The following CERS3 variants were observed in gnomAD, a reference collection of about 807,000 sequenced individuals.
CERS3 encodes LAG1 homolog, ceramide synthase 3.
In CERS3, 33 loss-of-function variants were observed where a neutral mutation model predicts 50.3. That is an observed-to-expected ratio of 0.66 (90% CI 0.50 to 0.88). The LOEUF (loss-of-function observed/expected upper bound fraction) is 0.88, where lower values mean the gene tolerates loss of function less well. CERS3 is among the 40% of genes least tolerant of loss of function. The pLI, the probability that CERS3 is intolerant of heterozygous loss-of-function variation, is 0.00. For synonymous variants in CERS3, 176 were observed against 155.2 expected (o/e 1.13, Z -0.99); for missense variants, 470 against 460.3 (o/e 1.02, Z -0.19).
intron 11 of CERS3, among the ~76,000 whole-genome samples, chr15:100,409,683 T>C (rs2142054367): frequency 6.6e-6 from 1 of 152,314 alleles, no homozygotes. Flanking sequence ...GTCCGTTTCT[T>C]TGAATCTACT....
intron 11 of CERS3, among the ~76,000 whole-genome samples, chr15:100,433,474 T>C (rs904529844): frequency 2.0e-5 from 3 of 152,212 alleles, no homozygotes; most frequent in Non-Finnish European, 2.9e-5. Context: ...CCTCTCTAGA[T>C]GGCAGCCCAT....
intron 2 of CERS3, among the ~76,000 whole-genome samples, chr15:100,506,005 T>A (rs911316861): frequency 1.3e-5 from 2 of 152,158 alleles, no homozygotes; most frequent in African/African-American, 4.8e-5. Context: ...CAGAATTTGG[T>A]AGCCAGCTCC....
At position 100,447,582 on chromosome 15, in the gene CERS3, A is replaced by G. The variant is rs987125787; in HGVS notation, c.999+8311T>C. On this transcript the variant is annotated intron_variant, in intron 11 of 11. Coordinates refer to ENST00000679737, the MANE Select transcript of CERS3 (RefSeq NM_001378789.1). ...TATTTTACAGAGTTTGACTCTTTTC[A>G]TCAACACTTAGTGGTAGGTTATGAT... Among the ~76,000 whole-genome samples the G allele has an allele frequency of 4.6e-5, 7 of 152,242 alleles. No individual in the cohort carries two copies. The East Asian group carries it at 1.3e-3, about 29-fold the overall frequency.
At chr15:100,521,016 C>A (rs2036623639) in intron 2 of CERS3, among the ~76,000 whole-genome samples, 1 of 152,136 alleles carries the variant, frequency 6.6e-6, no homozygotes, top group African/African-American at 2.4e-5. Context: ...TGAATCCTTA[C>A]AACAATAATA....
At chr15:100,529,205 T>C (rs1424449144), upstream of CERS3, 1 of 152,218 alleles carries the variant, frequency 6.6e-6, no homozygotes, top group Non-Finnish European at 1.5e-5. Context: ...CTGTTTGTAT[T>C]AAAAGGAAAG....
intron 1 of CERS3, among the ~76,000 whole-genome samples, chr15:100,535,238 T>C (rs2037041581): frequency 6.6e-6 from 1 of 152,248 alleles, no homozygotes; most frequent in Non-Finnish European, 1.5e-5. Flanking sequence ...GACTTTATTT[T>C]ATGCATATAG....
intron 11 of CERS3, among the ~76,000 whole-genome samples, chr15:100,439,702 T>G (rs936056290): frequency 6.6e-6 from 1 of 152,196 alleles, no homozygotes; most frequent in Non-Finnish European, 1.5e-5. Flanking sequence ...CTTCAAATAG[T>G]GTTCTTTAAA....
chr15:100,424,500 G>A lies in CERS3; in HGVS notation c.1000-21635C>T, dbSNP rs546359780. On this transcript the variant is annotated intron_variant, in intron 11 of 11. Transcript: ENST00000679737. ...TGAAGTCCAAGCTGAGGAGGTCTCAGATGGAGATGAAGAACTTTCTGGGAA... is the reference window on the plus strand; with the variant it reads ...TGAAGTCCAAGCTGAGGAGGTCTCAAATGGAGATGAAGAACTTTCTGGGAA... Among the ~76,000 whole-genome samples the A allele has an allele frequency of 3.9e-5, 6 of 152,326 alleles. No homozygotes were observed. In the South Asian group the frequency reaches 1.2e-3, roughly 32 times the overall value.
chr15:100,485,059 T>A (rs2035446143), intron 4 of CERS3, among the ~76,000 whole-genome samples: 1 of 152,192 alleles, frequency 6.6e-6, no homozygotes. Context: ...TATGGGGAAC[T>A]GAAGCCCCAA....
chr15:100,536,963 G>A (rs2037089227), intron 1 of CERS3, among the ~76,000 whole-genome samples: 1 of 152,218 alleles, frequency 6.6e-6, no homozygotes, highest in South Asian at 2.1e-4. Context: ...TCTGACACAT[G>A]TATTGCACAA....
chr15:100,481,473 C>T (rs938665926), intron 5 of CERS3, among the ~76,000 whole-genome samples: 5 of 152,278 alleles, frequency 3.3e-5, no homozygotes, highest in Admixed American at 2.0e-4. Flanking sequence ...CAAACAAAAC[C>T]CACAAAATAT....
intron 3 of CERS3, among the ~76,000 whole-genome samples, chr15:100,501,446 A>G (rs1323680031): frequency 6.6e-6 from 1 of 152,214 alleles, no homozygotes; most frequent in Admixed American, 6.5e-5. Flanking sequence ...TTTCTTCGTT[A>G]TAAAACTAAA....
At chr15:100,503,580 G>T in intron 2 of CERS3, 1 of 398,560 alleles carries the variant, frequency 2.5e-6, no homozygotes. Context: ...GAGCCCATAG[G>T]GTGTCTTTGT....
At chr15:100,479,032 C>A (rs548421938) in intron 7 of CERS3, among the ~76,000 whole-genome samples, 57 of 152,076 alleles carry the variant, frequency 3.7e-4, no homozygotes, top group African/African-American at 1.3e-3. Flanking sequence ...AGGACATATA[C>A]AGTAATGTCC....
chr15:100,487,672 GCCTCTGGACTGAAAAGGGAAC>G (rs1157277555), intron 4 of CERS3, among the ~76,000 whole-genome samples: 1 of 152,202 alleles, frequency 6.6e-6, no homozygotes, highest in Non-Finnish European at 1.5e-5. Context: ...AAGAGACCTG[GCCTCTGGACTGAAAAGGGAAC>G]CCTCTGTGCC....
chr15:100,482,749 A>C (rs2142274557), intron 5 of CERS3, among the ~76,000 whole-genome samples: 1 of 152,300 alleles, frequency 6.6e-6, no homozygotes, highest in Admixed American at 6.5e-5. Context: ...GATGTTACAA[A>C]GGAATTTTTG....
chr15:100,448,139 G>T (rs2034011010), intron 11 of CERS3, among the ~76,000 whole-genome samples: 1 of 152,104 alleles, frequency 6.6e-6, no homozygotes, highest in Non-Finnish European at 1.5e-5. Context: ...CATCATAAAG[G>T]TTGTCCAAAA....
rs34108242 is a variant in CERS3, at chr15:100,469,269, A to T, written c.845+109T>A. 333,790 of 717,040 alleles carry T rather than the reference A, an allele frequency of 0.47. 80,091 individuals carry two copies. Among genetic ancestry groups the T allele is most frequent in the Middle Eastern group, 0.53 (1,943 of 3,666 alleles). The allele number at this position is 717,040 out of a possible 1,614,324, so 44.4% of individuals were successfully genotyped here. A position where few individuals can be genotyped will look rare whatever the true frequency, so the allele number is the denominator to read the frequency against. On this transcript the variant is annotated intron_variant, in intron 10 of 11. Coordinates refer to ENST00000679737, the MANE Select transcript of CERS3 (RefSeq NM_001378789.1). Reference sequence around the variant, plus strand: ...TCTTTTCTCCAACTGCACTTGACACAAATAACTGGAGACCCACGTATGGAA... The same window carrying T: ...TCTTTTCTCCAACTGCACTTGACACTAATAACTGGAGACCCACGTATGGAA...
At position 100,408,824 on chromosome 15, in the gene CERS3, A is replaced by G. The variant is rs1480122044; in HGVS notation, c.1000-5959T>C. 3.7e-4 allele frequency: 56 copies of G among 152,352 alleles called. 1 individual carries two copies. The highest frequency in any genetic ancestry group is 1.5e-5 in the Non-Finnish European group (1 of 68,042). 9.4% of individuals were successfully genotyped at this position (152,352 alleles called of 1,614,324 possible). ...ACATTTAAAAGGCTTACCATGTGGCAGGCTCGGGACTAAACAGTTACATCA... is the reference window on the plus strand; with the variant it reads ...ACATTTAAAAGGCTTACCATGTGGCGGGCTCGGGACTAAACAGTTACATCA... On this transcript the variant is annotated intron_variant, in intron 11 of 11. Coordinates refer to ENST00000679737, the MANE Select transcript of CERS3 (RefSeq NM_001378789.1).
Sources: allele counts gnomAD v4.1 joint callset (sites outside exome capture counted in the v4.1 genomes callset), GRCh38; gene constraint gnomAD v4.1.1; transcripts MANE v1.5; gene names NCBI Gene and HGNC (gene_info 2026-07-23, HGNC 2026-07-21).